SERP1: variants seen among roughly 807,000 people sequenced by gnomAD.
The protein encoded by SERP1 is stress associated endoplasmic reticulum protein 1, also known as stress-associated endoplasmic reticulum protein 1.
A neutral mutation model predicts 8.8 loss-of-function variants in SERP1; 6 were observed. That is an observed-to-expected ratio of 0.68 (90% CI 0.37 to 1.35). The LOEUF is 1.35. Ranked by LOEUF, SERP1 falls within the 40% of genes most tolerant of loss-of-function variation. SERP1 has a pLI of 0.02. For missense variants in SERP1, 52 were observed against 86.2 expected, an observed-to-expected ratio of 0.60 and a Z score of 1.57; for synonymous variants, 36 against 28.7, an observed-to-expected ratio of 1.25 and a Z score of -0.81.
intron 2 of SERP1, among the ~76,000 whole-genome samples, chr3:150,544,898 A>G (rs1026157915): frequency 6.6e-6 from 1 of 152,266 alleles, no homozygotes; most frequent in African/African-American, 2.4e-5. Flanking sequence ...AATCATCTTC[A>G]GGTTATATAA....
At chr3:150,545,007 A>C (rs1722948159) in intron 2 of SERP1, among the ~76,000 whole-genome samples, 1 of 152,250 alleles carries the variant, frequency 6.6e-6, no homozygotes, top group Non-Finnish European at 1.5e-5. Flanking sequence ...GTAATTTTAG[A>C]ATGTGGAAAA....
chr3:150,546,477 G>A lies in SERP1; in HGVS notation c.-342C>T, dbSNP rs573830754. The A allele has an allele frequency of 8.7e-6, 5 of 572,684 alleles. No homozygotes were observed. The highest frequency in any genetic ancestry group is 8.6e-5 in the South Asian group (4 of 46,492). 35.5% of individuals were successfully genotyped at this position (572,684 alleles called of 1,614,324 possible). ...AAACGCAACGCAACAACGGGAATGT[G>A]CAGCCCGCCGCCTCGATCTACTTTG... On this transcript the variant is annotated 5_prime_UTR_variant, in exon 1 of 3. Coordinates refer to ENST00000239944, the MANE Select transcript of SERP1 (RefSeq NM_014445.4).
intron 2 of SERP1, among the ~76,000 whole-genome samples, chr3:150,544,938 A>G (rs1722946604): frequency 6.6e-6 from 1 of 152,248 alleles, no homozygotes; most frequent in Admixed American, 6.5e-5. Context: ...TTTATCAGGA[A>G]AGCTTCCAAT....
chr3:150,546,257 G>T lies in SERP1; in HGVS notation c.-122C>A, dbSNP rs1436102156. ...GCCGCCGGAGCGCCGAGGTTCTCAG[G>T]CCAGACGCTAGCTACGGCCGCTGGG... On this transcript the variant is annotated 5_prime_UTR_variant, in exon 1 of 3. Coordinates refer to ENST00000239944, the MANE Select transcript of SERP1 (RefSeq NM_014445.4). The T allele has an allele frequency of 1.2e-5, 14 of 1,131,024 alleles. No homozygotes were observed. The highest frequency in any genetic ancestry group is 2.2e-5 in the Admixed American group (1 of 45,314). 70.1% of individuals were successfully genotyped at this position (1,131,024 alleles called of 1,614,324 possible). A position where few individuals can be genotyped will look rare whatever the true frequency, so the allele number is the denominator to read the frequency against.
Position 150,542,506 on chromosome 3 carries a change from A to G in SERP1, c.*1952T>C, listed in dbSNP as rs1722895952. The G allele has an allele frequency of 6.6e-6, 1 of 152,234 alleles. No individual in the cohort carries two copies. Among genetic ancestry groups the G allele is most frequent in the African/African-American group, 2.4e-5 (1 of 41,474 alleles). 9.4% of individuals were successfully genotyped at this position (152,234 alleles called of 1,614,324 possible). ...TAAAATCATTTCCGTTTAGAAGAAA[A>G]GCATCAAATATTCAGGGAACTTTAT... On this transcript the variant is annotated 3_prime_UTR_variant, in exon 3 of 3. Transcript: ENST00000239944.
chr3:150,545,434 A>C, intron 2 of SERP1: 5 of 474,366 alleles, frequency 1.1e-5, no homozygotes, highest in Non-Finnish European at 1.9e-5. Context: ...GTCCGGTCTT[A>C]ACATTTATTC....
chr3:150,545,367 T>G, intron 2 of SERP1: 2 of 418,676 alleles, frequency 4.8e-6, no homozygotes, highest in Non-Finnish European at 8.4e-6. Context: ...TAATTTTCTT[T>G]GCAAAGACTG....
At chr3:150,545,133 G>A (rs114126566) in intron 2 of SERP1, among the ~76,000 whole-genome samples, 311 of 152,290 alleles carry the variant, frequency 2.0e-3, no homozygotes, top group African/African-American at 7.1e-3. Context: ...TTAGGGGACA[G>A]CAGGCTACCC....
In SERP1 at chr3:150,544,335, G is replaced by C. The variant is rs1037736218; in HGVS notation, c.*123C>G. ...AACCTTGGAATGACACATGAAGCAT[G>C]ATAGGAAAGTCATTCTGAGGCAGGA... On this transcript the variant is annotated 3_prime_UTR_variant, in exon 3 of 3. Coordinates refer to ENST00000239944, the MANE Select transcript of SERP1 (RefSeq NM_014445.4). The C allele has an allele frequency of 2.7e-4, 241 of 898,956 alleles. No individual in the cohort carries two copies. The Admixed American group carries it at 4.5e-3, about 17-fold the overall frequency. 55.7% of individuals were successfully genotyped at this position (898,956 alleles called of 1,614,324 possible).
At chr3:150,544,950 G>A (rs1489360087) in intron 2 of SERP1, among the ~76,000 whole-genome samples, 2 of 152,094 alleles carry the variant, frequency 1.3e-5, no homozygotes, top group Non-Finnish European at 2.9e-5. Flanking sequence ...GCTTCCAATT[G>A]GTAAGTGAAG....
chr3:150,545,228 G>A (rs775732056), intron 2 of SERP1, among the ~76,000 whole-genome samples: 1 of 151,928 alleles, frequency 6.6e-6, no homozygotes, highest in Non-Finnish European at 1.5e-5. Context: ...TGCCAATCAG[G>A]TAATTTCCTC....
intron 2 of SERP1, among the ~76,000 whole-genome samples, chr3:150,545,009 T>C (rs928350422): frequency 3.3e-5 from 5 of 152,212 alleles, no homozygotes; most frequent in Admixed American, 6.5e-5. Context: ...AATTTTAGAA[T>C]GTGGAAAACA....
rs1723029685 is a variant in SERP1, at chr3:150,546,485, C to T, written c.-350G>A. On this transcript the variant is annotated 5_prime_UTR_variant, in exon 1 of 3. Coordinates refer to ENST00000239944, the MANE Select transcript of SERP1 (RefSeq NM_014445.4). Reference sequence around the variant, plus strand: ...CGCAACAACGGGAATGTGCAGCCCGCCGCCTCGATCTACTTTGGGTTCGGC... The same window carrying T: ...CGCAACAACGGGAATGTGCAGCCCGTCGCCTCGATCTACTTTGGGTTCGGC... The T allele has an allele frequency of 3.5e-6, 2 of 571,806 alleles. No homozygotes were observed. Among genetic ancestry groups the T allele is most frequent in the Non-Finnish European group, 6.2e-6 (2 of 321,914 alleles). The allele number at this position is 571,806 out of a possible 1,614,324, so 35.4% of individuals were successfully genotyped here.
rs1406644915 is a variant in SERP1 at position 150,543,214 on chromosome 3, T to C, written c.*1244A>G. The C allele has an allele frequency of 6.6e-6, 1 of 152,626 alleles. No homozygotes were observed. The highest frequency in any genetic ancestry group is 1.5e-5 in the Non-Finnish European group (1 of 68,032). The allele number at this position is 152,626 out of a possible 1,614,324, so 9.5% of individuals were successfully genotyped here. On this transcript the variant is annotated 3_prime_UTR_variant, in exon 3 of 3. Coordinates refer to ENST00000239944, the MANE Select transcript of SERP1 (RefSeq NM_014445.4). ...ACATAGACACTGCTCAGGTTTTTTT[T>C]CACCAAGTTATGGCTAAGTATACAA...
chr3:150,544,235 T>G lies in SERP1; in HGVS notation c.*223A>C, dbSNP rs1722932761. ...CTACTGTATCTTAACAATCAAATTT[T>G]ATTGCTTTATTCATGTGGTGTTTTT... On this transcript the variant is annotated 3_prime_UTR_variant, in exon 3 of 3. Coordinates refer to ENST00000239944, the MANE Select transcript of SERP1 (RefSeq NM_014445.4). 1 of 529,550 alleles carries G rather than the reference T, an allele frequency of 1.9e-6. No homozygotes were observed. The highest frequency in any genetic ancestry group is 3.4e-6 in the Non-Finnish European group (1 of 293,882). The allele number at this position is 529,550 out of a possible 1,614,324, so 32.8% of individuals were successfully genotyped here. A position where few individuals can be genotyped will look rare whatever the true frequency, so the allele number is the denominator to read the frequency against.
chr3:150,544,595 ACTCT>A, intron 2 of SERP1, 97 bp from the exon 3 acceptor site: 4 of 955,134 alleles, frequency 4.2e-6, no homozygotes, highest in South Asian at 1.5e-5. Flanking sequence ...ATCCAAAGGT[ACTCT>A]TACATTTGCA....
At chr3:150,546,002 G>A (rs771628775) in intron 1 of SERP1, 50 bp downstream of exon 1, 12 of 1,606,434 alleles carry the variant, frequency 7.5e-6, no homozygotes, top group Non-Finnish European at 8.5e-6. Flanking sequence ...CCAGGGACCC[G>A]GACTCAGCTC....
intron 1 of SERP1, 126 bp from the exon 2 acceptor site, chr3:150,545,904 C>A: frequency 7.4e-7 from 1 of 1,352,944 alleles, no homozygotes; most frequent in South Asian, 1.3e-5. Flanking sequence ...CGAGCCCCCA[C>A]AGTCTGGCGG....
rs1130834 is a variant in SERP1, at chr3:150,546,216, G to C, written c.-81C>G. On this transcript the variant is annotated 5_prime_UTR_variant, in exon 1 of 3. Coordinates refer to ENST00000239944, the MANE Select transcript of SERP1 (RefSeq NM_014445.4). Reference sequence around the variant, plus strand: ...CTCCTCTGGAGCCGCTGCGAGGCTCGGCTCGTGGTGCCCGCGCCGCCGGAG... The same window carrying C: ...CTCCTCTGGAGCCGCTGCGAGGCTCCGCTCGTGGTGCCCGCGCCGCCGGAG... 541,411 of 1,498,712 alleles carry C rather than the reference G, an allele frequency of 0.36. 99,408 individuals are homozygous for C. Among genetic ancestry groups the C allele is most frequent in the East Asian group, 0.55 (24,201 of 44,092 alleles). 92.8% of individuals were successfully genotyped at this position (1,498,712 alleles called of 1,614,324 possible).
Sources: allele counts gnomAD v4.1 joint callset (sites outside exome capture counted in the v4.1 genomes callset), GRCh38; gene constraint gnomAD v4.1.1; transcripts MANE v1.5; gene names NCBI Gene and HGNC (gene_info 2026-07-23, HGNC 2026-07-21).